The following PRKCH variants were observed in gnomAD, a reference collection of about 807,000 sequenced individuals.
PRKCH encodes the protein protein kinase C eta.
A neutral mutation model predicts 82.5 loss-of-function variants in PRKCH; 28 were observed. That is an observed-to-expected ratio of 0.34 (90% CI 0.25 to 0.47). The LOEUF (loss-of-function observed/expected upper bound fraction) is 0.47, where lower values mean the gene tolerates loss of function less well. Ranked by LOEUF, PRKCH falls within the 20% of genes least tolerant of loss-of-function variation. The pLI, the probability that PRKCH is intolerant of heterozygous loss-of-function variation, is 1.00. For synonymous variants in PRKCH, 322 were observed against 327.4 expected, an observed-to-expected ratio of 0.98 and a Z score of 0.18; for missense variants, 705 against 881.8, an observed-to-expected ratio of 0.80 and a Z score of 2.54.
intron 1 of PRKCH, among the ~76,000 whole-genome samples, chr14:61,212,165 A>G (rs1594854848): frequency 6.6e-6 from 1 of 152,212 alleles, no homozygotes; most frequent in Non-Finnish European, 1.5e-5. Context: ...CCAATCGCAC[A>G]TGGAAAAACA....
intron 1 of PRKCH, among the ~76,000 whole-genome samples, chr14:61,352,068 C>A (rs1215228495): frequency 6.6e-6 from 1 of 152,106 alleles, no homozygotes. Context: ...GGGGTGGCAA[C>A]TTGAACCCCT....
In PRKCH at chr14:61,322,101, C is replaced by T; in HGVS notation, c.-1C>T. 1 of 1,546,186 alleles carries T rather than the reference C, an allele frequency of 6.5e-7. No individual in the cohort carries two copies. ...CCCGGGGCCGGGGCAGCGGCGCCGG[C>T]ATGTCGTCTGGCACCATGAAGTTCA... On this transcript the variant is annotated 5_prime_UTR_variant, in exon 1 of 14. Coordinates refer to ENST00000332981, the MANE Select transcript of PRKCH (RefSeq NM_006255.5).
At chr14:61,304,993 T>C (rs772700547) in intron 1 of PRKCH, 6 of 152,154 alleles carry the variant, frequency 3.9e-5, no homozygotes, top group Non-Finnish European at 7.4e-5. Flanking sequence ...ATATTTTTGG[T>C]TTTTAACCTT....
intron 1 of PRKCH, among the ~76,000 whole-genome samples, chr14:61,233,918 C>T (rs1478598708): frequency 6.6e-6 from 1 of 152,128 alleles, no homozygotes; most frequent in Non-Finnish European, 1.5e-5. Context: ...TCCCTTATTC[C>T]ATAACCCATT....
intron 1 of PRKCH, among the ~76,000 whole-genome samples, chr14:61,240,088 A>G (rs1446605997): frequency 2.6e-5 from 4 of 152,186 alleles, no homozygotes; most frequent in East Asian, 1.9e-4. Context: ...CTACTGCCTC[A>G]TATCATGGTG....
chr14:61,369,328 A>C (rs1295103677), intron 1 of PRKCH, among the ~76,000 whole-genome samples: 1 of 152,140 alleles, frequency 6.6e-6, no homozygotes, highest in Non-Finnish European at 1.5e-5. Context: ...TGGGGATCAC[A>C]CTTTGAGAAC....
chr14:61,285,650 T>C (rs2045308574), intron 1 of PRKCH, among the ~76,000 whole-genome samples: 2 of 152,190 alleles, frequency 1.3e-5, no homozygotes, highest in Admixed American at 1.3e-4. Context: ...CCCATCTAAT[T>C]TGTACACAAA....
At chr14:61,454,815 G>A (rs903689053) in intron 7 of PRKCH, among the ~76,000 whole-genome samples, 39 of 152,170 alleles carry the variant, frequency 2.6e-4, no homozygotes, top group African/African-American at 9.2e-4. Flanking sequence ...CCTGGTCAGC[G>A]TCTAGAGATG....
At chr14:61,528,167 C>CACACACAT (rs2042993632) in intron 10 of PRKCH, 1 of 151,318 alleles carries the variant, frequency 6.6e-6, no homozygotes, top group Non-Finnish European at 1.5e-5. Flanking sequence ...CACACACACA[C>CACACACAT]ACACACACAC....
At chr14:61,488,750 A>C (rs1886333463) in intron 10 of PRKCH, among the ~76,000 whole-genome samples, 1 of 152,174 alleles carries the variant, frequency 6.6e-6, no homozygotes. Context: ...ACCGCCCCTC[A>C]GTCTACTTGT....
intron 1 of PRKCH, among the ~76,000 whole-genome samples, chr14:61,288,746 T>C (rs920992276): frequency 1.3e-5 from 2 of 152,344 alleles, no homozygotes; most frequent in Admixed American, 6.5e-5. Context: ...TCTGATGTGA[T>C]GATAGGAGCT....
At chr14:61,419,280 A>G (rs1444930582) in intron 2 of PRKCH, among the ~76,000 whole-genome samples, 2 of 152,202 alleles carry the variant, frequency 1.3e-5, no homozygotes, top group East Asian at 1.9e-4. Flanking sequence ...CCTAGAGCAG[A>G]AGTTTTCATT....
intron 9 of PRKCH, among the ~76,000 whole-genome samples, chr14:61,482,757 AATCTGCCAGAGTC>A (rs1365887135): frequency 6.6e-6 from 1 of 152,210 alleles, no homozygotes; most frequent in Admixed American, 6.5e-5. Context: ...AGCAGAGGTG[AATCTGCCAGAGTC>A]TGGCATTATC....
intron 12 of PRKCH, among the ~76,000 whole-genome samples, chr14:61,531,674 A>T (rs8013398): frequency 0.085 from 12,876 of 152,240 alleles, 646 homozygotes; most frequent in South Asian, 0.21. Context: ...AGTGAATCAT[A>T]ACACATAGCT....
intron 8 of PRKCH, 42 bp from the exon 9 acceptor site, chr14:61,457,464 C>T: frequency 1.9e-6 from 3 of 1,605,428 alleles, no homozygotes; most frequent in Middle Eastern, 1.7e-4. Context: ...CTAAGACCCC[C>T]AAGAGGACTC....
At chr14:61,194,205 A>G (rs930103388) in intron 1 of PRKCH, among the ~76,000 whole-genome samples, 1 of 152,250 alleles carries the variant, frequency 6.6e-6, no homozygotes, top group African/African-American at 2.4e-5. Flanking sequence ...GATGTATTAG[A>G]GTCTACTATA....
At chr14:61,244,914 G>A (rs990368021) in intron 1 of PRKCH, among the ~76,000 whole-genome samples, 5 of 152,198 alleles carry the variant, frequency 3.3e-5, no homozygotes, top group Non-Finnish European at 7.3e-5. Flanking sequence ...TAAAACGAAG[G>A]AATGTGTAAC....
intron 10 of PRKCH, among the ~76,000 whole-genome samples, chr14:61,509,875 A>G (rs928175355): frequency 6.6e-6 from 1 of 152,184 alleles, no homozygotes; most frequent in Non-Finnish European, 1.5e-5. Flanking sequence ...AGATCGTGTC[A>G]CTGCCCTCCA....
At chr14:61,312,651 G>A (rs973206385) in intron 1 of PRKCH, among the ~76,000 whole-genome samples, 5 of 152,262 alleles carry the variant, frequency 3.3e-5, no homozygotes, top group East Asian at 3.9e-4. Context: ...GCAAAGGCAC[G>A]TCTTACATTA....
Sources: gnomAD v4.1 joint callset for allele counts (sites outside exome capture counted in the v4.1 genomes callset) on GRCh38, gnomAD v4.1.1 for gene constraint, MANE v1.5 for transcripts, NCBI Gene and HGNC (gene_info 2026-07-23, HGNC 2026-07-21) for gene names.